PRELID2: variants seen among roughly 807,000 people sequenced by gnomAD.
The protein encoded by PRELID2 is PRELI domain containing 2.
A neutral mutation model predicts 28.4 loss-of-function variants in PRELID2; 25 were observed. That is an observed-to-expected ratio of 0.88 (90% CI 0.64 to 1.23). PRELID2 has a LOEUF of 1.23. Among genes scored for constraint, PRELID2 ranks in the 50% most tolerant of loss-of-function variants. The pLI, the probability that PRELID2 is intolerant of heterozygous loss-of-function variation, is 0.00. For synonymous variants in PRELID2, 76 were observed against 71.6 expected (o/e 1.06, Z -0.31); for missense variants, 201 against 214.4 (o/e 0.94, Z 0.39).
intron 5 of PRELID2, among the ~76,000 whole-genome samples, chr5:145,793,015 G>T (rs146727815): frequency 6.6e-5 from 10 of 152,156 alleles, no homozygotes; most frequent in African/African-American, 2.2e-4. Context: ...TCCGTTTCAA[G>T]GATACATCTG....
At chr5:145,544,503 C>T (rs1205270670) in intron 1 of PRELID2, among the ~76,000 whole-genome samples, 1 of 152,030 alleles carries the variant, frequency 6.6e-6, no homozygotes, top group Non-Finnish European at 1.5e-5. Flanking sequence ...AGATCAGTTG[C>T]TTGTGAATTT....
chr5:145,458,229 T>C, the PRELID2 span, among the ~76,000 whole-genome samples: 1 of 152,212 alleles, frequency 6.6e-6, no homozygotes, highest in Non-Finnish European at 1.5e-5. Context: ...GGATACTCCT[T>C]AAACTTTTAT....
intron 1 of PRELID2, among the ~76,000 whole-genome samples, chr5:145,704,826 T>C (rs1173236939): frequency 2.0e-5 from 3 of 152,142 alleles, no homozygotes; most frequent in Admixed American, 1.3e-4. Flanking sequence ...AAACAGAGAA[T>C]TGGGCTGTTA....
At chr5:145,422,002 T>C in the PRELID2 span, among the ~76,000 whole-genome samples, 102 of 150,946 alleles carry the variant, frequency 6.8e-4, no homozygotes, top group African/African-American at 2.3e-3. Flanking sequence ...CCAGTAGTCA[T>C]TCAGGAGCAG....
chr5:145,704,200 A>G (rs1276659824), intron 1 of PRELID2: 1 of 152,118 alleles, frequency 6.6e-6, no homozygotes, highest in Non-Finnish European at 1.5e-5. Context: ...TTTTCACTCA[A>G]TTTCCCTCCA....
chr5:145,418,478 C>A, the PRELID2 span, among the ~76,000 whole-genome samples: 15 of 152,270 alleles, frequency 9.9e-5, no homozygotes, highest in Admixed American at 5.9e-4. Context: ...TGTTAACCAA[C>A]TTCAAACTAT....
intron 1 of PRELID2, among the ~76,000 whole-genome samples, chr5:145,666,177 AG>A (rs1388032348): frequency 5.3e-5 from 8 of 152,120 alleles, no homozygotes; most frequent in African/African-American, 1.9e-4. Context: ...GTTTCTACTT[AG>A]AGAACACTCC....
At chr5:145,727,794 C>T (rs1581105245) in intron 1 of PRELID2, among the ~76,000 whole-genome samples, 1 of 152,310 alleles carries the variant, frequency 6.6e-6, no homozygotes, top group East Asian at 1.9e-4. Context: ...AACTCCTTCC[C>T]TGGCTTTAAT....
the PRELID2 span, among the ~76,000 whole-genome samples, chr5:145,331,172 C>CTTTT: frequency 6.4e-4 from 98 of 152,278 alleles, no homozygotes; most frequent in Non-Finnish European, 1.1e-3. Flanking sequence ...TTTGCATTCA[C>CTTTT]TGAGGAGTGT....
intron 1 of PRELID2, among the ~76,000 whole-genome samples, chr5:145,703,722 G>C (rs548108009): frequency 2.6e-4 from 39 of 152,262 alleles, no homozygotes; most frequent in Non-Finnish European, 5.1e-4. Flanking sequence ...TCAAGATATA[G>C]TTAGAGGGAG....
chr5:145,748,878 G>T (rs1021110723), intron 1 of PRELID2, among the ~76,000 whole-genome samples: 5 of 152,132 alleles, frequency 3.3e-5, no homozygotes, highest in Non-Finnish European at 5.9e-5. Flanking sequence ...ATGGGGAAAG[G>T]ATCTCCTATT....
chr5:145,364,783 T>C, the PRELID2 span, among the ~76,000 whole-genome samples: 1 of 151,996 alleles, frequency 6.6e-6, no homozygotes, highest in African/African-American at 2.4e-5. Flanking sequence ...TATTGATTGC[T>C]GGGTGGTAAA....
intron 1 of PRELID2, among the ~76,000 whole-genome samples, chr5:145,695,461 A>G (rs1326610195): frequency 6.6e-6 from 1 of 152,184 alleles, no homozygotes. Flanking sequence ...ATCAGACTAT[A>G]TCACTTTTTT....
chr5:145,586,690 G>A lies in PRELID2; in HGVS notation n.71-113375C>T, dbSNP rs570492642. ...ACCCCACAGAAGTCCCCATATATCC[G>A]ACATCTCTGAGCATGAGGTAGGTCA... is the stretch of plus-strand genomic sequence containing the variant. On this transcript the variant is annotated intron_variant and non_coding_transcript_variant, in intron 1 of 2. Coordinates refer to the PRELID2 transcript ENST00000510259. Among the ~76,000 whole-genome samples, 14 of 152,078 alleles carry A rather than the reference G, an allele frequency of 9.2e-5. No individual in the cohort carries two copies. The East Asian group carries it at 2.7e-3, about 29-fold the overall frequency.
At chr5:145,344,145 T>C in the PRELID2 span, among the ~76,000 whole-genome samples, 1 of 152,010 alleles carries the variant, frequency 6.6e-6, no homozygotes, top group Non-Finnish European at 1.5e-5. Context: ...GTGTTCTCTT[T>C]CACTCATTCT....
the PRELID2 span, among the ~76,000 whole-genome samples, chr5:145,441,598 C>T: frequency 6.6e-6 from 1 of 152,044 alleles, no homozygotes; most frequent in Non-Finnish European, 1.5e-5. Flanking sequence ...TAAACTCTGG[C>T]TAATTAAAGC....
At chr5:145,832,029 C>T (rs1285036079) in intron 1 of PRELID2, among the ~76,000 whole-genome samples, 2 of 152,104 alleles carry the variant, frequency 1.3e-5, no homozygotes, top group East Asian at 3.9e-4. Context: ...TGTTACATAC[C>T]AATAGATAAC....
chr5:145,516,820 C>T (rs374097525), intron 1 of PRELID2, among the ~76,000 whole-genome samples: 1 of 151,302 alleles, frequency 6.6e-6, no homozygotes, highest in African/African-American at 2.4e-5. Flanking sequence ...ACAGAGCACT[C>T]AGAAGTAATG....
At chr5:145,420,643 G>T in the PRELID2 span, among the ~76,000 whole-genome samples, 1 of 108,330 alleles carries the variant, frequency 9.2e-6, no homozygotes, top group Non-Finnish European at 2.0e-5. Context: ...CTGAGACAAT[G>T]GGGTTTTCTA....
Sources: gnomAD v4.1 joint callset for allele counts (sites outside exome capture counted in the v4.1 genomes callset) on GRCh38, gnomAD v4.1.1 for gene constraint, MANE v1.5 for transcripts, NCBI Gene and HGNC (gene_info 2026-07-23, HGNC 2026-07-21) for gene names.